Variants in BCAS3 observed in about 807,000 individuals in gnomAD.
BCAS3 encodes BCAS3 microtubule associated cell migration factor.
Under a neutral mutation model 116.1 loss-of-function variants are expected in BCAS3, and 53 were observed. That is an observed-to-expected ratio of 0.46 (90% CI 0.37 to 0.57). The LOEUF (loss-of-function observed/expected upper bound fraction) is 0.57, where lower values mean the gene tolerates loss of function less well. Among genes scored for constraint, BCAS3 ranks in the 20% least tolerant of loss-of-function variants. The pLI is 0.00. For synonymous variants in BCAS3, 391 were observed against 408.2 expected (o/e 0.96, Z 0.51); for missense variants, 917 against 1,165.4 (o/e 0.79, Z 3.10).
chr17:61,147,763 G>A (rs946798084), intron 22 of BCAS3, among the ~76,000 whole-genome samples: 1 of 152,072 alleles, frequency 6.6e-6, no homozygotes, highest in Non-Finnish European at 1.5e-5. Context: ...GAGGTGGGCG[G>A]GTCACCTGAG....
At chr17:61,247,428 G>A (rs1275861015) in intron 22 of BCAS3, among the ~76,000 whole-genome samples, 1 of 152,180 alleles carries the variant, frequency 6.6e-6, no homozygotes, top group East Asian at 1.9e-4. Flanking sequence ...GAGGTAAAAA[G>A]TTCTGCCACA....
intron 10 of BCAS3, among the ~76,000 whole-genome samples, chr17:60,899,470 T>A (rs1207955041): frequency 1.3e-5 from 2 of 152,046 alleles, no homozygotes; most frequent in African/African-American, 4.8e-5. Flanking sequence ...TGAGCCCAGA[T>A]CACACCCTAG....
chr17:60,968,689 G>T (rs536336689), intron 14 of BCAS3, among the ~76,000 whole-genome samples: 12 of 152,254 alleles, frequency 7.9e-5, no homozygotes, highest in African/African-American at 2.9e-4. Flanking sequence ...AGTGTGTCAA[G>T]TCTGGCTAGG....
intron 22 of BCAS3, among the ~76,000 whole-genome samples, chr17:61,293,429 C>CTA (rs2052620905): frequency 1.3e-5 from 2 of 152,222 alleles, no homozygotes; most frequent in South Asian, 4.2e-4. Flanking sequence ...GGAGAGCTGC[C>CTA]TATCATCAGA....
intron 22 of BCAS3, among the ~76,000 whole-genome samples, chr17:61,301,249 C>T (rs993245906): frequency 1.3e-5 from 2 of 152,224 alleles, no homozygotes; most frequent in East Asian, 3.8e-4. Flanking sequence ...TCATATGGCC[C>T]TCAGAGTCTA....
In BCAS3 at chr17:61,145,604, C is replaced by G. The variant is rs1165834358; in HGVS notation, c.2425+61040C>G. On this transcript the variant is annotated intron_variant, in intron 22 of 23. Coordinates refer to ENST00000407086, the MANE Select transcript of BCAS3 (RefSeq NM_017679.5). The surrounding 1 kb of genome is among the most constrained non-coding windows in gnomAD (Gnocchi z 5.0). Reference sequence around the variant, plus strand: ...GTTCATTGAACTGTACAGCACAGCACCAGACCCTTGTGTCATTTAATGTTA... The same window carrying G: ...GTTCATTGAACTGTACAGCACAGCAGCAGACCCTTGTGTCATTTAATGTTA... Among the ~76,000 whole-genome samples, 1 of 152,118 alleles carries G rather than the reference C, an allele frequency of 6.6e-6. No individual in the cohort carries two copies. The highest frequency in any genetic ancestry group is 2.4e-5 in the African/African-American group (1 of 41,420).
chr17:60,712,339 G>A lies in BCAS3; in HGVS notation c.321+3014G>A, dbSNP rs902324501. Among the ~76,000 whole-genome samples the A allele has an allele frequency of 2.0e-5, 3 of 151,672 alleles. No homozygotes were observed. In the South Asian group the frequency reaches 6.2e-4, roughly 32 times the overall value. ...TGCAGTGAGCCATGATTATGCCACTGCACTCCAGCCTGGGTGACAGAGTGA... is the reference window on the plus strand; with the variant it reads ...TGCAGTGAGCCATGATTATGCCACTACACTCCAGCCTGGGTGACAGAGTGA... On this transcript the variant is annotated intron_variant, in intron 5 of 23. Coordinates refer to ENST00000407086, the MANE Select transcript of BCAS3 (RefSeq NM_017679.5).
At chr17:60,903,439 A>G (rs2058025347) in intron 11 of BCAS3, among the ~76,000 whole-genome samples, 1 of 152,338 alleles carries the variant, frequency 6.6e-6, no homozygotes, top group African/African-American at 2.4e-5. Flanking sequence ...TTTTTCACCC[A>G]AAAGGGAATT....
At chr17:61,358,018 G>T (rs8066259) in intron 22 of BCAS3, among the ~76,000 whole-genome samples, 2 of 151,588 alleles carry the variant, frequency 1.3e-5, no homozygotes, top group African/African-American at 4.8e-5. Flanking sequence ...AGCCCGGGGG[G>T]CAGAGGTTAC....
At position 61,356,310 on chromosome 17, in the gene BCAS3, G is replaced by A. The variant is rs1006583023; in HGVS notation, c.2426-12017G>A. Among the ~76,000 whole-genome samples the A allele has an allele frequency of 1.3e-5, 2 of 151,948 alleles. No individual in the cohort carries two copies. The highest frequency in any genetic ancestry group is 2.4e-5 in the African/African-American group (1 of 41,356). On this transcript the variant is annotated intron_variant, in intron 22 of 23. Coordinates refer to ENST00000407086, the MANE Select transcript of BCAS3 (RefSeq NM_017679.5). The surrounding 1 kb of genome is among the most constrained non-coding windows in gnomAD (Gnocchi z 5.4). ...CACCTGGCCAGGAAACATTGTCATT[G>A]CAGCCCAGCTACAAAATGATTCTTC... is the stretch of plus-strand genomic sequence containing the variant.
In BCAS3 at chr17:61,390,636, G is replaced by A. The variant is rs953778800; in HGVS notation, c.2594-1341G>A. On this transcript the variant is annotated intron_variant, in intron 23 of 23. Transcript: ENST00000407086. This position sits in a 1 kb window ranked among gnomAD's most constrained non-coding sequence, Gnocchi z 6.8. ...GGCTGCTGCAGGCCTGCAGGGAGTC[G>A]GGGTCAGTGGTTCGTTGCTGGCTGG... 8 of 152,210 alleles carry A rather than the reference G, an allele frequency of 5.3e-5. No individual in the cohort carries two copies. Among genetic ancestry groups the A allele is most frequent in the Admixed American group, 1.3e-4 (2 of 15,280 alleles). The allele number at this position is 152,210 out of a possible 1,614,324, so 9.4% of individuals were successfully genotyped here. A position where few individuals can be genotyped will look rare whatever the true frequency, so the allele number is the denominator to read the frequency against.
chr17:61,385,037 G>A (rs1281642784), intron 23 of BCAS3, among the ~76,000 whole-genome samples: 1 of 152,230 alleles, frequency 6.6e-6, no homozygotes, highest in Non-Finnish European at 1.5e-5. Flanking sequence ...CCTGGGGGCT[G>A]AGGCTGGCTC....
chr17:61,146,746 C>A (rs1458970556), intron 22 of BCAS3, among the ~76,000 whole-genome samples: 3 of 152,104 alleles, frequency 2.0e-5, no homozygotes, highest in Non-Finnish European at 4.4e-5. Context: ...ACAATCCATT[C>A]AGAATGTATG....
At chr17:60,804,968 G>A (rs912660547) in intron 6 of BCAS3, among the ~76,000 whole-genome samples, 2 of 148,440 alleles carry the variant, frequency 1.3e-5, no homozygotes, top group Non-Finnish European at 3.0e-5. Context: ...TTTGAGTGTC[G>A]GGTTTTTTTT....
chr17:60,731,746 A>G (rs1484521330), intron 5 of BCAS3, among the ~76,000 whole-genome samples: 4 of 151,380 alleles, frequency 2.6e-5, no homozygotes, highest in African/African-American at 7.3e-5. Context: ...GTGAAAATAC[A>G]GAGACCTCTC....
At chr17:60,820,141 G>A (rs919145470) in intron 7 of BCAS3, among the ~76,000 whole-genome samples, 2 of 151,598 alleles carry the variant, frequency 1.3e-5, no homozygotes, top group African/African-American at 4.9e-5. Flanking sequence ...CACGATCTTG[G>A]CTCACTGCAA....
intron 10 of BCAS3, chr17:60,891,675 A>C (rs1351274646): frequency 2.2e-6 from 1 of 455,426 alleles, no homozygotes; most frequent in Non-Finnish European, 4.4e-6. Flanking sequence ...TTTGAGATTC[A>C]CAGGGTACAC....
At chr17:61,230,507 C>T (rs1051665129) in intron 22 of BCAS3, among the ~76,000 whole-genome samples, 2 of 152,084 alleles carry the variant, frequency 1.3e-5, no homozygotes, top group African/African-American at 2.4e-5. Context: ...TGTTTATGCC[C>T]ATGGGTGCTC....
intron 4 of BCAS3, among the ~76,000 whole-genome samples, chr17:60,698,103 T>A (rs2035860602): frequency 7.2e-6 from 1 of 138,422 alleles, no homozygotes; most frequent in African/African-American, 2.8e-5. Context: ...GGTGTGAACC[T>A]GGGAGGCAGA....
Sources: allele counts gnomAD v4.1 joint callset (sites outside exome capture counted in the v4.1 genomes callset), GRCh38; gene constraint gnomAD v4.1.1; non-coding constraint Gnocchi (gnomAD v3.1); transcripts MANE v1.5; gene names NCBI Gene and HGNC (gene_info 2026-07-23, HGNC 2026-07-21).